Variants in FREM2 observed in about 807,000 individuals in gnomAD.
FREM2 encodes FRAS1 related extracellular matrix 2.
Under a neutral mutation model 219.9 loss-of-function variants are expected in FREM2, and 119 were observed. That is an observed-to-expected ratio of 0.54 (90% CI 0.47 to 0.63). The LOEUF is 0.63. Ranked by LOEUF, FREM2 falls within the 30% of genes least tolerant of loss-of-function variation. The pLI, the probability that FREM2 is intolerant of heterozygous loss-of-function variation, is 0.00. For synonymous variants in FREM2, 1,562 were observed against 1,522.8 expected (o/e 1.03, Z -0.60); for missense variants, 4,030 against 3,993.6 (o/e 1.01, Z -0.25).
At chr13:38,779,272 A>G (rs1360805960) in intron 4 of FREM2, among the ~76,000 whole-genome samples, 8 of 152,076 alleles carry the variant, frequency 5.3e-5, no homozygotes, top group African/African-American at 1.9e-4. Context: ...CAAATACCTA[A>G]TGCATGCAGG....
intron 2 of FREM2, 121 bp from the exon 3 acceptor site, chr13:38,764,183 T>C: frequency 1.4e-6 from 1 of 720,106 alleles, no homozygotes; most frequent in Non-Finnish European, 2.5e-6. Context: ...TCCAGAGTTG[T>C]GTATCAAACT....
chr13:38,751,939 T>C (rs987349584), intron 2 of FREM2, among the ~76,000 whole-genome samples: 11 of 152,134 alleles, frequency 7.2e-5, no homozygotes, highest in African/African-American at 2.4e-4. Context: ...ACAGCTTTTA[T>C]ATTAATCTGA....
At chr13:38,722,167 G>A (rs57001791) in intron 2 of FREM2, among the ~76,000 whole-genome samples, 7,758 of 151,970 alleles carry the variant, frequency 0.051, 635 homozygotes, top group African/African-American at 0.17. Flanking sequence ...ACCGTGCCTG[G>A]TTAACTTTTT....
intron 2 of FREM2, among the ~76,000 whole-genome samples, chr13:38,737,399 G>A (rs1195070297): frequency 6.6e-6 from 1 of 152,148 alleles, no homozygotes; most frequent in African/African-American, 2.4e-5. Context: ...ACAAAACAAT[G>A]TTAGCATATT....
At position 38,692,519 on chromosome 13, in the gene FREM2, T is replaced by C; in HGVS notation, c.5173+2T>C. 1 of 1,608,692 alleles carries C rather than the reference T, an allele frequency of 6.2e-7. No homozygotes were observed. Among genetic ancestry groups the C allele is most frequent in the Non-Finnish European group, 8.5e-7 (1 of 1,179,974 alleles). ...ACAGCATCACTCAGTTCACACAAGG[T>C]ATGTTTCATGTTTCTTTTCTTGGTT... On this transcript the variant is annotated splice_donor_variant, in intron 1 of 23. Transcript: ENST00000280481. LOFTEE classifies it high-confidence loss of function.
intron 2 of FREM2, among the ~76,000 whole-genome samples, chr13:38,745,534 C>A (rs1872431175): frequency 6.6e-6 from 1 of 152,084 alleles, no homozygotes; most frequent in African/African-American, 2.4e-5. Flanking sequence ...TCAGTTTTTC[C>A]TATATGGTTT....
chr13:38,865,922 T>C (rs895780988), intron 16 of FREM2, among the ~76,000 whole-genome samples: 3 of 152,152 alleles, frequency 2.0e-5, no homozygotes, highest in African/African-American at 7.2e-5. Flanking sequence ...CTAACCTGTT[T>C]TTGCCACCTG....
chr13:38,759,851 G>C (rs1353535150), intron 2 of FREM2, among the ~76,000 whole-genome samples: 1 of 152,204 alleles, frequency 6.6e-6, no homozygotes, highest in East Asian at 1.9e-4. Context: ...TGAGGTTTTA[G>C]AGGAGTTTAC....
In FREM2 at chr13:38,689,629, T is replaced by G; in HGVS notation, c.2285T>G (p.Val762Gly). Residue 762 changes from valine (V) to glycine (G), a missense_variant, in exon 1 of 24, where the codon GTC becomes GGC. Physicochemically the swap from Val to Gly is moderately radical, Grantham distance 109 (BLOSUM62 -3). Around this residue, in one of 2 missense-constraint regions of FREM2, gnomAD observed 3,102 missense variants for 2,950.7 expected, o/e 1.05. Transcript: ENST00000280481. ...CTGCCAGCCCCACTGGGTACCTTGG[T>G]CTTGACTGACAACCCCTCAGTCGTG... ...NHLPAPLGTL[V>G]LTDNPSVVVT... The G allele has an allele frequency of 1.2e-6, 2 of 1,613,904 alleles. No homozygotes were observed. Among genetic ancestry groups the G allele is most frequent in the Non-Finnish European group, 1.7e-6 (2 of 1,179,994 alleles).
At position 38,759,900 on chromosome 13, in the gene FREM2, T is replaced by C. The variant is rs1397469704; in HGVS notation, c.5264-4404T>C. Among the ~76,000 whole-genome samples the C allele has an allele frequency of 3.3e-5, 5 of 152,366 alleles. No individual in the cohort carries two copies. In the East Asian group the frequency reaches 7.7e-4, roughly 23 times the overall value. ...AATTAGTAAATAAGGTATCTTTCTATTCTTTCAATAAAATACAGAGTTCAA... is the reference window on the plus strand; with the variant it reads ...AATTAGTAAATAAGGTATCTTTCTACTCTTTCAATAAAATACAGAGTTCAA... On this transcript the variant is annotated intron_variant, in intron 2 of 23. Coordinates refer to ENST00000280481, the MANE Select transcript of FREM2 (RefSeq NM_207361.6).
chr13:38,713,479 G>C (rs1593359773), intron 2 of FREM2, among the ~76,000 whole-genome samples: 1 of 152,192 alleles, frequency 6.6e-6, no homozygotes, highest in African/African-American at 2.4e-5. Context: ...GTCACCTACT[G>C]AAAAACATTT....
At chr13:38,701,532 T>TC (rs1330328447) in intron 2 of FREM2, among the ~76,000 whole-genome samples, 1 of 152,152 alleles carries the variant, frequency 6.6e-6, no homozygotes, top group African/African-American at 2.4e-5. Flanking sequence ...ATTTATTCTT[T>TC]TATCCTCTTT....
chr13:38,766,233 C>T (rs1367582086), intron 3 of FREM2, among the ~76,000 whole-genome samples: 1 of 151,440 alleles, frequency 6.6e-6, no homozygotes, highest in Non-Finnish European at 1.5e-5. Flanking sequence ...CCTCTTTTTT[C>T]TTAAGCTGGA....
intron 2 of FREM2, among the ~76,000 whole-genome samples, chr13:38,754,901 G>GATGATGATGATGATTATTATTATT (rs56270131): frequency 6.2e-5 from 8 of 128,662 alleles, no homozygotes; most frequent in Non-Finnish European, 1.1e-4. Context: ...TGATGATGAT[G>GATGATGATGATGATTATTATTATT]ATTATTATTA....
chr13:38,877,183 C>T lies in FREM2; in HGVS notation c.8611C>T (p.Leu2871Phe). 1.2e-6 allele frequency: 2 copies of T among 1,614,030 alleles called. No homozygotes were observed. Among genetic ancestry groups the T allele is most frequent in the Non-Finnish European group, 1.7e-6 (2 of 1,179,918 alleles). ...AATGTACCTGCTCTCTAAGAAGAGTCTCTGGTTGTCTGATGGATCCATGGG... is the reference window on the plus strand; with the variant it reads ...AATGTACCTGCTCTCTAAGAAGAGTTTCTGGTTGTCTGATGGATCCATGGG... ...TQMYLLSKKS[L>F]WLSDGSMGFG... is the part of the protein sequence containing the mutation. Residue 2871 changes from leucine to phenylalanine, a missense_variant, in exon 21 of 24, where the codon CTC becomes TTC. Physicochemically the swap from Leu to Phe is conservative, Grantham distance 22 (BLOSUM62 0). Coordinates refer to ENST00000280481, the MANE Select transcript of FREM2 (RefSeq NM_207361.6).
chr13:38,866,993 T>C (rs776889326), intron 16 of FREM2, among the ~76,000 whole-genome samples: 7 of 152,244 alleles, frequency 4.6e-5, no homozygotes, highest in Non-Finnish European at 8.8e-5. Context: ...AAAGTGACTA[T>C]ACTTTGCTAG....
intron 2 of FREM2, among the ~76,000 whole-genome samples, chr13:38,755,742 G>A (rs1449813604): frequency 2.0e-5 from 3 of 152,182 alleles, no homozygotes; most frequent in Non-Finnish European, 4.4e-5. Context: ...AGGAAGATGG[G>A]AACCCCAGAT....
At position 38,798,857 on chromosome 13, in the gene FREM2, A is replaced by G. The variant is rs1245240679; in HGVS notation, c.6019+14049A>G. ...CTGATTTTGTTTATTTGGGTCTTCT[A>G]TCTTTTGTTGGTTAGTATATCTAGA... On this transcript the variant is annotated intron_variant, in intron 6 of 23. Transcript: ENST00000280481. Among the ~76,000 whole-genome samples, 7 of 151,816 alleles carry G rather than the reference A, an allele frequency of 4.6e-5. No homozygotes were observed. The East Asian group carries it at 1.2e-3, about 25-fold the overall frequency.
chr13:38,704,821 A>G (rs1015017001), intron 2 of FREM2, among the ~76,000 whole-genome samples: 3 of 152,162 alleles, frequency 2.0e-5, no homozygotes, highest in African/African-American at 7.2e-5. Context: ...CAGAAAATGA[A>G]AGAGAAGCAA....
Sources: allele counts gnomAD v4.1 joint callset (sites outside exome capture counted in the v4.1 genomes callset), GRCh38; gene constraint gnomAD v4.1.1; regional missense constraint gnomAD v4.1.1; transcripts MANE v1.5; gene names NCBI Gene and HGNC (gene_info 2026-07-23, HGNC 2026-07-21).